Variants in DCC observed in about 807,000 individuals in gnomAD.
DCC encodes the protein DCC netrin 1 receptor.
Under a neutral mutation model 172.5 loss-of-function variants are expected in DCC, and 58 were observed. That is an observed-to-expected ratio of 0.34 (90% CI 0.27 to 0.42). DCC has a LOEUF of 0.42. Among genes scored for constraint, DCC ranks in the 10% least tolerant of loss-of-function variants. DCC has a pLI of 1.00. For missense variants in DCC, 1,740 were observed against 1,791.0 expected (o/e 0.97, Z 0.51); for synonymous variants, 709 against 644.5 (o/e 1.10, Z -1.52).
chr18:53,195,515 C>A (rs189644865), intron 9 of DCC, among the ~76,000 whole-genome samples: 1 of 152,146 alleles, frequency 6.6e-6, no homozygotes, highest in Non-Finnish European at 1.5e-5. Context: ...ATGAAATGTG[C>A]GATCATTAAT....
rs1299044750 is a variant in DCC at position 53,496,742 on chromosome 18, T to G, written c.3899-2556T>G. On this transcript the variant is annotated intron_variant, in intron 26 of 28. Coordinates refer to ENST00000442544, the MANE Select transcript of DCC (RefSeq NM_005215.4). ...GAAGTTAAGAACCTTGAGAAAAGGT[T>G]AGATGAATTGCTATCTAGAATAACC... Among the ~76,000 whole-genome samples the G allele has an allele frequency of 2.0e-5, 3 of 152,316 alleles. No individual in the cohort carries two copies. In the East Asian group the frequency reaches 5.8e-4, roughly 29 times the overall value.
chr18:52,521,854 T>C (rs2031829579), intron 1 of DCC, among the ~76,000 whole-genome samples: 1 of 152,204 alleles, frequency 6.6e-6, no homozygotes, highest in African/African-American at 2.4e-5. Context: ...CTCATCCTAC[T>C]ACTGCCTCTC....
At chr18:52,588,914 T>C (rs550619794) in intron 1 of DCC, among the ~76,000 whole-genome samples, 10 of 152,280 alleles carry the variant, frequency 6.6e-5, no homozygotes, top group African/African-American at 2.4e-4. Context: ...AGTTTTTTAG[T>C]TATTTATTGC....
intron 2 of DCC, among the ~76,000 whole-genome samples, chr18:52,855,082 G>A (rs58604490): frequency 1.1e-4 from 16 of 152,078 alleles, no homozygotes; most frequent in Non-Finnish European, 2.9e-5. Context: ...GGGTGTCTTC[G>A]GCTTCTTGTA....
chr18:53,444,797 G>T (rs1912497352), intron 22 of DCC, among the ~76,000 whole-genome samples: 2 of 152,166 alleles, frequency 1.3e-5, no homozygotes, highest in African/African-American at 4.8e-5. Flanking sequence ...CCAGTGTGTG[G>T]AACCAAAACC....
At chr18:52,587,446 A>G (rs1310860149) in intron 1 of DCC, among the ~76,000 whole-genome samples, 1 of 152,196 alleles carries the variant, frequency 6.6e-6, no homozygotes, top group Non-Finnish European at 1.5e-5. Context: ...GTTGGTGAGC[A>G]CTCATGTGGG....
chr18:52,784,086 T>A (rs1471136003), intron 2 of DCC, among the ~76,000 whole-genome samples: 2 of 152,012 alleles, frequency 1.3e-5, no homozygotes, highest in East Asian at 3.9e-4. Context: ...ATCCTCCTCC[T>A]CCACCCTTCC....
At chr18:53,266,070 C>T (rs528695489) in intron 12 of DCC, among the ~76,000 whole-genome samples, 2 of 152,312 alleles carry the variant, frequency 1.3e-5, no homozygotes, top group South Asian at 4.1e-4. Context: ...GGGTCTTCCT[C>T]ACTTCTTCCA....
At position 52,459,456 on chromosome 18, in the gene DCC, T is replaced by TTTTCTTTC. The variant is rs113006148; in HGVS notation, c.91+118598_91+118605dup. Reference sequence around the variant, plus strand: ...ATAAGTAAGAAAATGCAGTATTTGGTTTTCTTTCTTTCTTTCTTTCTTTCT... The same window carrying TTTTCTTTC: ...ATAAGTAAGAAAATGCAGTATTTGGTTTTCTTTCTTTCTTTCTTTCTTTCTTTCTTTCT... On this transcript the variant is annotated intron_variant, in intron 1 of 28. Transcript: ENST00000442544. Among the ~76,000 whole-genome samples, 801 of 151,116 alleles carry TTTTCTTTC rather than the reference T, an allele frequency of 5.3e-3. 10 individuals are homozygous for TTTTCTTTC. Among genetic ancestry groups the TTTTCTTTC allele is most frequent in the African/African-American group, 0.017 (719 of 41,216 alleles).
chr18:52,862,517 C>T (rs545113127), intron 2 of DCC, among the ~76,000 whole-genome samples: 64 of 151,900 alleles, frequency 4.2e-4, no homozygotes, highest in African/African-American at 1.5e-3. Context: ...AGCCTGTATG[C>T]TGAAACCCCA....
intron 7 of DCC, among the ~76,000 whole-genome samples, chr18:53,131,418 T>C (rs2043649261): frequency 6.6e-6 from 1 of 152,104 alleles, no homozygotes; most frequent in South Asian, 2.1e-4. Flanking sequence ...GCAAAAGTTG[T>C]TACCGACAAA....
chr18:53,385,211 C>T (rs565557454), intron 15 of DCC, among the ~76,000 whole-genome samples: 15 of 152,218 alleles, frequency 9.9e-5, no homozygotes, highest in African/African-American at 3.4e-4. Flanking sequence ...CAGCAAACTA[C>T]AGGTTACAAG....
intron 12 of DCC, among the ~76,000 whole-genome samples, chr18:53,279,084 G>C (rs534499296): frequency 3.3e-5 from 5 of 152,188 alleles, no homozygotes; most frequent in African/African-American, 1.2e-4. Context: ...TTGTTTCCTG[G>C]CTTTTCAATG....
chr18:53,206,365 ATTG>A (rs2055638021), intron 10 of DCC, among the ~76,000 whole-genome samples: 2 of 39,100 alleles, frequency 5.1e-5, no homozygotes, highest in Admixed American at 5.1e-4. Context: ...ACATATATGT[ATTG>A]TAACACATAT....
chr18:52,758,137 G>A (rs2037104842), intron 2 of DCC, among the ~76,000 whole-genome samples: 1 of 152,170 alleles, frequency 6.6e-6, no homozygotes, highest in Non-Finnish European at 1.5e-5. Context: ...TTTCTTCTAA[G>A]ATGAGAAGAT....
Position 53,305,653 on chromosome 18 carries a change from A to C in DCC, c.1987A>C (p.Arg663=). 1.9e-6 allele frequency: 3 copies of C among 1,614,080 alleles called. No individual in the cohort carries two copies. The highest frequency in any genetic ancestry group is 2.5e-6 in the Non-Finnish European group (3 of 1,179,926). The change falls in exon 13 of 29, where the codon AGA becomes CGA. Residue 663 remains arginine, a synonymous_variant. Transcript: ENST00000442544. ...GFITGYKIRH[R]KTTRRGEMET... ...TATTACCGGCTATAAAATTCGACAC[A>C]GAAAGACGACCCGCAGGGGTGAGAT...
chr18:52,579,397 A>C (rs1156526939), intron 1 of DCC, among the ~76,000 whole-genome samples: 1 of 152,224 alleles, frequency 6.6e-6, no homozygotes, highest in Non-Finnish European at 1.5e-5. Context: ...CTCTTATTTC[A>C]AATATGATTT....
intron 2 of DCC, among the ~76,000 whole-genome samples, chr18:52,883,280 T>A (rs190332405): frequency 8.5e-5 from 13 of 152,062 alleles, no homozygotes; most frequent in Admixed American, 8.5e-4. Context: ...TAAGGACTTA[T>A]TCCTGTCACT....
intron 2 of DCC, among the ~76,000 whole-genome samples, chr18:52,817,233 A>G (rs1357345496): frequency 2.6e-5 from 4 of 152,140 alleles, no homozygotes. Flanking sequence ...GATCAGGCCA[A>G]TCACTTTTTG....
Sources: gnomAD v4.1 joint callset for allele counts (sites outside exome capture counted in the v4.1 genomes callset) on GRCh38, gnomAD v4.1.1 for gene constraint, MANE v1.5 for transcripts, NCBI Gene and HGNC (gene_info 2026-07-23, HGNC 2026-07-21) for gene names.